Variants in METTL15 observed in about 807,000 individuals in gnomAD.
The protein encoded by METTL15 is methyltransferase 15, mitochondrial 12S rRNA N4-cytidine.
A neutral mutation model predicts 38.3 loss-of-function variants in METTL15; 34 were observed. That is an observed-to-expected ratio of 0.89 (90% CI 0.68 to 1.18). The LOEUF is 1.18. METTL15 is among the 50% of genes most tolerant of loss of function. METTL15 has a pLI of 0.00. For missense variants in METTL15, 438 were observed against 498.4 expected, an observed-to-expected ratio of 0.88 and a Z score of 1.15; for synonymous variants, 162 against 170.9, an observed-to-expected ratio of 0.95 and a Z score of 0.41.
intron 5 of METTL15, among the ~76,000 whole-genome samples, chr11:28,406,433 T>G (rs1324024766): frequency 6.6e-6 from 1 of 152,132 alleles, no homozygotes; most frequent in Non-Finnish European, 1.5e-5. Flanking sequence ...TTTTGTATCC[T>G]GAGACTGCTG....
intron 4 of METTL15, among the ~76,000 whole-genome samples, chr11:28,263,962 T>A (rs1431307514): frequency 1.3e-5 from 2 of 152,222 alleles, no homozygotes; most frequent in East Asian, 3.9e-4. Context: ...TCTATATATC[T>A]TCCATAGGGC....
In METTL15 at chr11:28,420,703, G is replaced by A. The variant is rs1358797603; in HGVS notation, c.*359-3596G>A. Among the ~76,000 whole-genome samples, 3 of 151,910 alleles carry A rather than the reference G, an allele frequency of 2.0e-5. No individual in the cohort carries two copies. The East Asian group carries it at 5.8e-4, about 29-fold the overall frequency. ...GGAAACACAACATTCCAAAAACTAT[G>A]GGATAGAGCAAAAGCAGTACTAACA... On this transcript the variant is annotated intron_variant and NMD_transcript_variant, in intron 5 of 7. Transcript: ENST00000532947.
intron 6 of METTL15, among the ~76,000 whole-genome samples, chr11:28,442,428 T>C (rs542158290): frequency 6.6e-6 from 1 of 152,192 alleles, no homozygotes; most frequent in East Asian, 1.9e-4. Context: ...TTTTTCCTGA[T>C]CATTAGCTCA....
chr11:28,449,369 T>C (rs1226036074), intron 6 of METTL15, among the ~76,000 whole-genome samples: 1 of 152,220 alleles, frequency 6.6e-6, no homozygotes, highest in Non-Finnish European at 1.5e-5. Context: ...ACATGCTCAC[T>C]GAAGCATGGA....
chr11:28,177,265 G>T (rs1374262646), intron 3 of METTL15, among the ~76,000 whole-genome samples: 2 of 151,998 alleles, frequency 1.3e-5, no homozygotes, highest in African/African-American at 4.8e-5. Context: ...ATTTTATTAT[G>T]AATACAGATT....
rs1340618458 is a variant in METTL15, at chr11:28,330,574, C to T, written c.957C>T (p.Leu319=). 1.0e-5 allele frequency: 16 copies of T among 1,551,482 alleles called. No homozygotes were observed. The highest frequency in any genetic ancestry group is 8.3e-5 in the South Asian group (7 of 84,060). ...GACCTGGTGGTCGTCTTGTTGCCCT[C>T]TCCTTCCATTCACTAGAGGATCGCA... The part of the protein sequence containing the change: ...FLRPGGRLVA[L]SFHSLEDRIV... The change falls in exon 7 of 7, where the codon CTC becomes CTT. Residue 319 remains leucine, a synonymous_variant. Coordinates refer to ENST00000407364, the MANE Select transcript of METTL15 (RefSeq NM_001113528.2).
chr11:28,450,559 G>T (rs1191347375), intron 6 of METTL15, among the ~76,000 whole-genome samples: 2 of 152,206 alleles, frequency 1.3e-5, no homozygotes, highest in Non-Finnish European at 2.9e-5. Context: ...TAGCAGAAGA[G>T]CTGAGTTAAA....
intron 4 of METTL15, among the ~76,000 whole-genome samples, chr11:28,212,440 T>TATAC (rs1852681641): frequency 6.6e-6 from 1 of 152,178 alleles, no homozygotes; most frequent in Non-Finnish European, 1.5e-5. Context: ...AAACGTTGTA[T>TATAC]GAGTTCACTT....
At chr11:28,113,929 T>G (rs1455170260) in intron 3 of METTL15, among the ~76,000 whole-genome samples, 1 of 152,226 alleles carries the variant, frequency 6.6e-6, no homozygotes, top group African/African-American at 2.4e-5. Context: ...TAAGGTAGGT[T>G]AGACTAAGCT....
In METTL15 at chr11:28,330,558, G is replaced by C. The variant is rs772919212; in HGVS notation, c.941G>C (p.Gly314Ala). 5 of 1,551,662 alleles carry C rather than the reference G, an allele frequency of 3.2e-6. No homozygotes were observed. The highest frequency in any genetic ancestry group is 2.4e-5 in the South Asian group (2 of 84,056). Residue 314 changes from glycine to alanine, a missense_variant, in exon 7 of 7, where the codon GGT becomes GCT. Transcript: ENST00000407364. ...GCTCAGAAGTTTCTGAGACCTGGTG[G>C]TCGTCTTGTTGCCCTCTCCTTCCAT... The part of the protein sequence containing the change: ...KTAQKFLRPG[G>A]RLVALSFHSL...
At chr11:28,344,574 G>A (rs1221918607) in intron 3 of METTL15, among the ~76,000 whole-genome samples, 1 of 152,156 alleles carries the variant, frequency 6.6e-6, no homozygotes, top group Non-Finnish European at 1.5e-5. Context: ...ATGTCAAAGG[G>A]TAAAGGCTGA....
intron 6 of METTL15, among the ~76,000 whole-genome samples, chr11:28,319,163 A>G (rs1849373643): frequency 6.6e-6 from 1 of 152,160 alleles, no homozygotes; most frequent in Non-Finnish European, 1.5e-5. Context: ...CCATTAAAAC[A>G]TCTCTCAGTA....
intron 6 of METTL15, among the ~76,000 whole-genome samples, chr11:28,501,259 T>C (rs2133490884): frequency 6.6e-6 from 1 of 152,188 alleles, no homozygotes. Flanking sequence ...TGTTTGGTGA[T>C]TTAAAGAAAA....
chr11:28,392,511 A>G (rs1354562922), intron 5 of METTL15, among the ~76,000 whole-genome samples: 1 of 152,122 alleles, frequency 6.6e-6, no homozygotes, highest in East Asian at 1.9e-4. Flanking sequence ...AACAAATGAT[A>G]TAGGAAACAG....
At chr11:28,324,781 T>C (rs1372155328) in intron 6 of METTL15, among the ~76,000 whole-genome samples, 1 of 152,220 alleles carries the variant, frequency 6.6e-6, no homozygotes, top group Non-Finnish European at 1.5e-5. Context: ...GTCAGGTTCA[T>C]GATTACAACA....
intron 4 of METTL15, among the ~76,000 whole-genome samples, chr11:28,243,580 A>AT (rs1854390133): frequency 6.6e-6 from 1 of 152,146 alleles, no homozygotes; most frequent in Non-Finnish European, 1.5e-5. Context: ...TGCGGCATTC[A>AT]AATACCTAAG....
intron 4 of METTL15, among the ~76,000 whole-genome samples, chr11:28,213,522 T>C (rs955227584): frequency 6.6e-6 from 1 of 151,474 alleles, no homozygotes; most frequent in African/African-American, 2.4e-5. Flanking sequence ...TTATTAAAAC[T>C]TGATTAATAG....
intron 4 of METTL15, among the ~76,000 whole-genome samples, chr11:28,273,763 A>G (rs1855736036): frequency 6.6e-6 from 1 of 152,092 alleles, no homozygotes; most frequent in Non-Finnish European, 1.5e-5. Context: ...ACACTGGACC[A>G]CATCTAAAAA....
chr11:28,163,026 A>C (rs1488367326), intron 3 of METTL15, among the ~76,000 whole-genome samples: 2 of 152,112 alleles, frequency 1.3e-5, no homozygotes, highest in Admixed American at 1.3e-4. Flanking sequence ...AGGGAAATCT[A>C]TCAGAAATAA....
Sources: allele counts gnomAD v4.1 joint callset (sites outside exome capture counted in the v4.1 genomes callset), GRCh38; gene constraint gnomAD v4.1.1; transcripts MANE v1.5; gene names NCBI Gene and HGNC (gene_info 2026-07-23, HGNC 2026-07-21).